Variants in PECR observed in about 807,000 individuals in gnomAD.
PECR encodes the protein peroxisomal trans-2-enoyl-CoA reductase, also known as 2,4-dienoyl-CoA reductase-related protein.
Under a neutral mutation model 35.3 loss-of-function variants are expected in PECR, and 30 were observed. The ratio of observed to expected loss-of-function variants is 0.85; its 90% CI spans 0.64 to 1.15. The LOEUF (loss-of-function observed/expected upper bound fraction) is 1.15. PECR is among the 50% of genes most tolerant of loss of function. PECR has a pLI of 0.00. For missense variants in PECR, 392 were observed against 370.8 expected (o/e 1.06, Z -0.47); for synonymous variants, 148 against 138.9 (o/e 1.07, Z -0.46).
intron 3 of PECR, among the ~76,000 whole-genome samples, chr2:216,060,562 T>C (rs1369980523): frequency 6.6e-6 from 1 of 152,150 alleles, no homozygotes; most frequent in Admixed American, 6.6e-5. Context: ...CTCGGTAGGC[T>C]GAAGCGGGGA....
intron 2 of PECR, among the ~76,000 whole-genome samples, chr2:216,066,055 T>C (rs1695460134): frequency 6.6e-6 from 1 of 151,848 alleles, no homozygotes; most frequent in Non-Finnish European, 1.5e-5. Flanking sequence ...ACCTGGGAGG[T>C]GTAGGTTGCA....
intron 3 of PECR, among the ~76,000 whole-genome samples, chr2:216,061,629 A>G (rs1695354746): frequency 6.6e-6 from 1 of 152,204 alleles, no homozygotes; most frequent in Admixed American, 6.5e-5. Flanking sequence ...CAAAACAATT[A>G]GAGAAATCCA....
chr2:216,038,215 C>CA (rs1172411897), downstream of PECR, among the ~76,000 whole-genome samples: 104 of 152,250 alleles, frequency 6.8e-4, 1 homozygote, highest in Middle Eastern at 6.8e-3. Context: ...CTGCTAAAGG[C>CA]ATTTCTTCAA....
intron 4 of PECR, chr2:216,057,787 G>A (rs1695258594): frequency 6.6e-6 from 1 of 152,120 alleles, no homozygotes; most frequent in Admixed American, 6.5e-5. Context: ...GCATAGCAGA[G>A]CAACCTCATT....
intron 1 of PECR, among the ~76,000 whole-genome samples, chr2:216,066,823 G>A (rs1041549574): frequency 1.3e-5 from 2 of 152,092 alleles, no homozygotes; most frequent in Non-Finnish European, 2.9e-5. Context: ...AAAGTTCTGG[G>A]ACTACAGGCA....
At chr2:216,033,804 T>C (rs1187649441), downstream of PECR, 1 of 152,364 alleles carries the variant, frequency 6.6e-6, no homozygotes, top group East Asian at 1.9e-4. Flanking sequence ...CTCACTAGAC[T>C]GAGCCACGGC....
chr2:216,043,793 T>A, intron 7 of PECR, 111 bp downstream of exon 7: 1 of 685,418 alleles, frequency 1.5e-6, no homozygotes, highest in Non-Finnish European at 2.7e-6. Context: ...TACATTTTGA[T>A]GTTCTATAAG....
chr2:216,075,827 C>T (rs1695686533), intron 1 of PECR, among the ~76,000 whole-genome samples: 3 of 152,096 alleles, frequency 2.0e-5, no homozygotes, highest in Admixed American at 2.0e-4. Flanking sequence ...TAGACTAGAG[C>T]AAGAAAAAAT....
In PECR at chr2:216,081,807, G is replaced by A; in HGVS notation, c.-66C>T. On this transcript the variant is annotated 5_prime_UTR_variant, in exon 1 of 8. Coordinates refer to ENST00000265322, the MANE Select transcript of PECR (RefSeq NM_018441.6). Reference sequence around the variant, plus strand: ...CTGGGTCTCAGGGACATTCGAGGCGGGCGGGCGGACAGGGCGGTGCTCGAG... The same window carrying A: ...CTGGGTCTCAGGGACATTCGAGGCGAGCGGGCGGACAGGGCGGTGCTCGAG... 1 of 1,577,974 alleles carries A rather than the reference G, an allele frequency of 6.3e-7. No homozygotes were observed. Among genetic ancestry groups the A allele is most frequent in the Non-Finnish European group, 8.6e-7 (1 of 1,164,812 alleles).
chr2:216,071,898 G>A (rs571353571), intron 1 of PECR, among the ~76,000 whole-genome samples: 4 of 152,252 alleles, frequency 2.6e-5, no homozygotes, highest in Non-Finnish European at 5.9e-5. Context: ...AAAAATTTTT[G>A]AAGGTCATGA....
chr2:216,074,181 A>C (rs547231271), intron 1 of PECR, among the ~76,000 whole-genome samples: 5 of 152,354 alleles, frequency 3.3e-5, no homozygotes, highest in African/African-American at 1.2e-4. Context: ...GCAGTGGCTC[A>C]TGCCTGTAAT....
chr2:216,040,545 T>C (rs1360244319), intron 7 of PECR, among the ~76,000 whole-genome samples: 1 of 152,108 alleles, frequency 6.6e-6, no homozygotes, highest in Non-Finnish European at 1.5e-5. Context: ...TGAGCCATGG[T>C]GCCCAGCCCC....
intron 6 of PECR, among the ~76,000 whole-genome samples, chr2:216,045,742 C>G (rs1694976278): frequency 6.6e-6 from 1 of 152,204 alleles, no homozygotes; most frequent in Non-Finnish European, 1.5e-5. Flanking sequence ...GACAACTCAG[C>G]CAATGAACAT....
chr2:216,047,223 A>T (rs1695013435), intron 6 of PECR, among the ~76,000 whole-genome samples: 2 of 150,332 alleles, frequency 1.3e-5, no homozygotes, highest in Admixed American at 1.3e-4. Context: ...GTGCCACCGC[A>T]CTCCAGCCTG....
downstream of PECR, among the ~76,000 whole-genome samples, chr2:216,034,857 T>C (rs1034390038): frequency 3.9e-5 from 6 of 152,128 alleles, 1 homozygote; most frequent in African/African-American, 1.4e-4. Context: ...ACTCAGCCAG[T>C]TGATAGCTGG....
intron 7 of PECR, among the ~76,000 whole-genome samples, chr2:216,030,973 C>G (rs1694678972): frequency 6.6e-6 from 1 of 151,556 alleles, no homozygotes; most frequent in South Asian, 2.1e-4. Context: ...CACACACACA[C>G]ACACACACAC....
chr2:216,077,303 G>A (rs1026015631), intron 1 of PECR, among the ~76,000 whole-genome samples: 1 of 149,500 alleles, frequency 6.7e-6, no homozygotes, highest in Non-Finnish European at 1.5e-5. Flanking sequence ...TCAAGAGATC[G>A]AGACCATCCT....
chr2:216,070,781 C>T (rs543467189), intron 1 of PECR, among the ~76,000 whole-genome samples: 3 of 152,244 alleles, frequency 2.0e-5, no homozygotes, highest in South Asian at 4.1e-4. Flanking sequence ...CTTAACTGAT[C>T]ACAGGTTCAC....
chr2:216,049,163 G>C, intron 6 of PECR, 100 bp downstream of exon 6: 1 of 771,606 alleles, frequency 1.3e-6, no homozygotes, highest in East Asian at 2.4e-5. Flanking sequence ...CTGGCAGTGG[G>C]AGAAATAATG....
Sources: gnomAD v4.1 joint callset for allele counts (sites outside exome capture counted in the v4.1 genomes callset) on GRCh38, gnomAD v4.1.1 for gene constraint, MANE v1.5 for transcripts, NCBI Gene and HGNC (gene_info 2026-07-23, HGNC 2026-07-21) for gene names.